Variants in CAND2 observed in about 807,000 individuals in gnomAD.
The protein encoded by CAND2 is cullin associated and neddylation dissociated 2 (putative).
Under a neutral mutation model 98.9 loss-of-function variants are expected in CAND2, and 62 were observed. That is an observed-to-expected ratio of 0.63 (90% CI 0.51 to 0.77). The LOEUF (loss-of-function observed/expected upper bound fraction) is 0.77, where lower values mean the gene tolerates loss of function less well. CAND2 is among the 30% of genes least tolerant of loss of function. The pLI, the probability that CAND2 is intolerant of heterozygous loss-of-function variation, is 0.00. For synonymous variants in CAND2, 770 were observed against 731.9 expected, an observed-to-expected ratio of 1.05 and a Z score of -0.84; for missense variants, 1,501 against 1,655.2, an observed-to-expected ratio of 0.91 and a Z score of 1.62.
intron 14 of CAND2, 82 bp downstream of exon 14, chr3:12,831,654 C>CG: frequency 1.2e-6 from 1 of 817,700 alleles, no homozygotes; most frequent in Non-Finnish European, 1.9e-6. Context: ...CCTTACTGAG[C>CG]ACTTCCTGCA....
Position 12,825,632 on chromosome 3 carries a change from T to C in CAND2, c.3203T>C (p.Ile1068Thr). Residue 1068 changes from isoleucine (I) to threonine (T), a missense_variant, in exon 12 of 15, where the codon ATC becomes ACC. Physicochemically the swap from Ile to Thr is moderately conservative, Grantham distance 89 (BLOSUM62 -1). Coordinates refer to ENST00000456430, the MANE Select transcript of CAND2 (RefSeq NM_001162499.2). The part of the protein sequence containing the change: ...YQETKIRRDL[I>T]REVEMGPFKH... ...GAGACAAAGATCCGGCGGGACCTCA[T>C]CCGAGAGGTGTGGAGCAGAGCTGGG... 1 of 1,591,358 alleles carries C rather than the reference T, an allele frequency of 6.3e-7. No individual in the cohort carries two copies. The highest frequency in any genetic ancestry group is 1.1e-5 in the South Asian group (1 of 87,676).
chr3:12,829,257 T>C (rs1017587520), intron 13 of CAND2, among the ~76,000 whole-genome samples: 23 of 152,370 alleles, frequency 1.5e-4, no homozygotes, highest in South Asian at 8.3e-4. Context: ...GTGATTCTCC[T>C]GCCTCGGCCT....
At chr3:12,816,046 C>A in intron 9 of CAND2, 38 bp downstream of exon 9, 1 of 1,593,458 alleles carries the variant, frequency 6.3e-7, no homozygotes. Flanking sequence ...CTGTTCTGGG[C>A]CACTTCCAGA....
At chr3:12,813,222 A>G in intron 6 of CAND2, 24 bp from the exon 7 acceptor site, 1 of 1,611,298 alleles carries the variant, frequency 6.2e-7, no homozygotes, top group Non-Finnish European at 8.5e-7. Context: ...GATCCAGCAA[A>G]GCATTCCTCA....
chr3:12,810,878 C>T (rs527931789), intron 5 of CAND2, among the ~76,000 whole-genome samples: 4 of 152,350 alleles, frequency 2.6e-5, no homozygotes, highest in African/African-American at 9.6e-5. Context: ...CCATCACCCC[C>T]AAAAGCTTCC....
rs1317304218 is a variant in CAND2, at chr3:12,807,449, C to T, written c.356C>T (p.Pro119Leu). Residue 119 changes from proline (P) to leucine (L), a missense_variant, in exon 3 of 15, where the codon CCT becomes CTT. Pro to Leu is a moderately conservative substitution (Grantham distance 98, BLOSUM62 -3). Transcript: ENST00000456430. ...GLKTVLSELPPAATGSGLATN... is the reference protein window; with the variant it reads ...GLKTVLSELPLAATGSGLATN... ...AAGACCGTCCTCTCGGAGCTCCCTC[C>T]TGCAGCCACAGGTACCCAGGTCCCC... 1.3e-6 allele frequency: 2 copies of T among 1,551,524 alleles called. No individual in the cohort carries two copies. The highest frequency in any genetic ancestry group is 8.7e-7 in the Non-Finnish European group (1 of 1,146,904).
chr3:12,799,175 T>G (rs1027647971), intron 1 of CAND2, among the ~76,000 whole-genome samples: 2 of 152,166 alleles, frequency 1.3e-5, no homozygotes, highest in Non-Finnish European at 2.9e-5. Flanking sequence ...CCGTAGGCAG[T>G]TTGTGCAGCC....
At chr3:12,797,128 T>G (rs1309565490) in intron 1 of CAND2, among the ~76,000 whole-genome samples, 1 of 147,324 alleles carries the variant, frequency 6.8e-6, no homozygotes, top group Non-Finnish European at 1.5e-5. Flanking sequence ...CTCGTGTGTG[T>G]CCGGCCCCCT....
At chr3:12,822,829 T>C (rs1003781609) in intron 11 of CAND2, among the ~76,000 whole-genome samples, 1 of 152,192 alleles carries the variant, frequency 6.6e-6, no homozygotes, top group Admixed American at 6.5e-5. Context: ...GAAATGCATG[T>C]CTATACGCAG....
At chr3:12,808,552 G>C (rs1317322905) in intron 4 of CAND2, among the ~76,000 whole-genome samples, 1 of 152,174 alleles carries the variant, frequency 6.6e-6, no homozygotes, top group East Asian at 1.9e-4. Flanking sequence ...CACCTGCTCT[G>C]GCCAGAAAAA....
At chr3:12,803,411 G>A (rs2061781189) in intron 1 of CAND2, 77 bp from the exon 2 acceptor site, 1 of 1,401,224 alleles carries the variant, frequency 7.1e-7, no homozygotes, top group East Asian at 2.4e-5. Context: ...TCTACTTCTA[G>A]GGGAACCCTG....
Position 12,820,087 on chromosome 3 carries a change from T to C in CAND2, c.2946T>C (p.Gly982=), listed in dbSNP as rs4684883. ...AACTCACCTCTTCTTGTCCTGCAGG[T>C]CGGCCACACACCCGGAGCACCGTCA... ...LPRLRKQLAA[G]RPHTRSTVIT... is the part of the protein sequence containing the mutation. The change falls in exon 11 of 15, where the codon GGT becomes GGC. Residue 982 remains glycine (G), a splice_region_variant and synonymous_variant. Coordinates refer to ENST00000456430, the MANE Select transcript of CAND2 (RefSeq NM_001162499.2). The C allele has an allele frequency of 0.18, 283,808 of 1,609,602 alleles. 27,688 individuals carry two copies. The highest frequency in any genetic ancestry group is 0.36 in the Admixed American group (21,324 of 59,908).
intron 7 of CAND2, among the ~76,000 whole-genome samples, chr3:12,814,841 C>G (rs1351174373): frequency 6.6e-6 from 1 of 152,130 alleles, no homozygotes; most frequent in Non-Finnish European, 1.5e-5. Context: ...TTGGGGCAAG[C>G]CACTTCCTCT....
chr3:12,812,205 G>A (rs1337569596), intron 5 of CAND2, among the ~76,000 whole-genome samples: 2 of 113,756 alleles, frequency 1.8e-5, no homozygotes, highest in Non-Finnish European at 3.8e-5. Flanking sequence ...CACCATGCCC[G>A]GCCTAAGCTG....
chr3:12,832,945 G>A (rs2062067001), intron 14 of CAND2, among the ~76,000 whole-genome samples: 1 of 152,234 alleles, frequency 6.6e-6, no homozygotes, highest in African/African-American at 2.4e-5. Context: ...GGGTTTCAGA[G>A]AAGGGAGTGT....
chr3:12,816,115 C>T (rs2061896984), intron 9 of CAND2, 107 bp downstream of exon 9: 3 of 1,188,846 alleles, frequency 2.5e-6, no homozygotes, highest in South Asian at 1.4e-5. Context: ...AGACCCAATC[C>T]CAGGCTCAGT....
At chr3:12,823,728 TC>T (rs2061977493) in intron 11 of CAND2, among the ~76,000 whole-genome samples, 1 of 64,624 alleles carries the variant, frequency 1.5e-5, no homozygotes, top group African/African-American at 1.5e-4. Flanking sequence ...AGACTCCATC[TC>T]AAAAAAAAAA....
chr3:12,817,436 C>T lies in CAND2; in HGVS notation c.2504C>T (p.Ser835Phe). 11 of 1,613,738 alleles carry T rather than the reference C, an allele frequency of 6.8e-6. No homozygotes were observed. The highest frequency in any genetic ancestry group is 1.1e-5 in the South Asian group (1 of 91,076). Residue 835 changes from serine (S) to phenylalanine (F), a missense_variant, in exon 10 of 15, where the codon TCC becomes TTC. Ser to Phe is a radical substitution (Grantham distance 155, BLOSUM62 -2). Around this residue, in one of 3 missense-constraint regions of CAND2, gnomAD observed 1,427 missense variants for 1,545.3 expected, o/e 0.92. Coordinates refer to ENST00000456430, the MANE Select transcript of CAND2 (RefSeq NM_001162499.2). ...GTCTGCGATGCCAGGTCGCCCCACT[C>T]CAGCACGGGGGTCAAGGTCCTGGCA... ...RLVCDARSPH[S>F]STGVKVLAFL...
In CAND2 at chr3:12,818,895, G is replaced by A. The variant is rs73813592; in HGVS notation, c.2944+1019G>A. The stretch of plus-strand genomic sequence containing the variant: ...CATCACACAACCTTGAGAGACGAGA[G>A]TGTTAAGATGCAGAGGAGCCCTGCT... On this transcript the variant is annotated intron_variant, in intron 10 of 14. Transcript: ENST00000456430. 1.1e-3 allele frequency among the ~76,000 whole-genome samples: 172 copies of A among 152,288 alleles called. 2 individuals are homozygous for A. Among genetic ancestry groups the A allele is most frequent in the African/African-American group, 3.9e-3 (162 of 41,560 alleles).
Sources: allele counts gnomAD v4.1 joint callset (sites outside exome capture counted in the v4.1 genomes callset), GRCh38; gene constraint gnomAD v4.1.1; regional missense constraint gnomAD v4.1.1; transcripts MANE v1.5; gene names NCBI Gene and HGNC (gene_info 2026-07-23, HGNC 2026-07-21).